The following ALK variants were observed in gnomAD, a reference collection of about 807,000 sequenced individuals.
ALK encodes ALK receptor tyrosine kinase.
ALK carries 74 observed loss-of-function variants against 163.1 expected under a neutral mutation model. The observed-to-expected ratio is 0.45, with a 90% confidence interval of 0.38 to 0.55. ALK has a LOEUF of 0.55. Ranked by LOEUF, ALK falls within the 20% of genes least tolerant of loss-of-function variation. The pLI, the probability that ALK is intolerant of heterozygous loss-of-function variation, is 0.00. For synonymous variants in ALK, 960 were observed against 843.2 expected (o/e 1.14, Z -2.40); for missense variants, 2,063 against 2,105.3 (o/e 0.98, Z 0.39).
chr2:29,740,157 T>C (rs1020426607), intron 1 of ALK, among the ~76,000 whole-genome samples: 1 of 152,094 alleles, frequency 6.6e-6, no homozygotes, highest in African/African-American at 2.4e-5. Flanking sequence ...ACTTCTGACA[T>C]TGAGAAGTTT....
At chr2:29,886,077 AC>A (rs879411511) in intron 1 of ALK, among the ~76,000 whole-genome samples, 3 of 152,098 alleles carry the variant, frequency 2.0e-5, no homozygotes, top group Admixed American at 6.5e-5. Flanking sequence ...GATAATGAAG[AC>A]CTTTGTAATG....
chr2:29,668,030 CAAG>C (rs1342939521), intron 3 of ALK, among the ~76,000 whole-genome samples: 1 of 151,920 alleles, frequency 6.6e-6, no homozygotes, highest in African/African-American at 2.4e-5. Context: ...TGTATGTGTC[CAAG>C]AATGTTTCCA....
At chr2:29,561,256 G>A (rs539333358) in intron 3 of ALK, among the ~76,000 whole-genome samples, 1 of 152,230 alleles carries the variant, frequency 6.6e-6, no homozygotes, top group African/African-American at 2.4e-5. Context: ...CAATCCCCAT[G>A]CCTCCATTCC....
chr2:29,863,129 A>G (rs1187835968), intron 1 of ALK, among the ~76,000 whole-genome samples: 1 of 152,238 alleles, frequency 6.6e-6, no homozygotes, highest in African/African-American at 2.4e-5. Context: ...TGGATTAATG[A>G]CTTAAATGTA....
At chr2:29,610,902 G>A (rs1475059049) in intron 3 of ALK, among the ~76,000 whole-genome samples, 1 of 152,156 alleles carries the variant, frequency 6.6e-6, no homozygotes, top group African/African-American at 2.4e-5. Context: ...TGGAGTTGCT[G>A]ACACTGTACT....
chr2:29,476,352 T>G (rs911031611), intron 4 of ALK, among the ~76,000 whole-genome samples: 2 of 152,062 alleles, frequency 1.3e-5, no homozygotes, highest in Non-Finnish European at 2.9e-5. Context: ...GGACATAAAA[T>G]TACCACAATC....
At chr2:29,466,092 T>C (rs1171272735) in intron 4 of ALK, among the ~76,000 whole-genome samples, 3 of 152,128 alleles carry the variant, frequency 2.0e-5, no homozygotes, top group Non-Finnish European at 4.4e-5. Context: ...AAGAAAGATA[T>C]AGTTAATAAA....
intron 1 of ALK, among the ~76,000 whole-genome samples, chr2:29,731,142 G>A (rs930957019): frequency 6.6e-6 from 1 of 152,168 alleles, no homozygotes; most frequent in African/African-American, 2.4e-5. Context: ...AAGAAAAGGG[G>A]TAAAACTTGG....
intron 4 of ALK, among the ~76,000 whole-genome samples, chr2:29,397,776 C>T (rs2148312858): frequency 6.6e-6 from 1 of 152,274 alleles, no homozygotes; most frequent in Non-Finnish European, 1.5e-5. Flanking sequence ...CAGGGAGGCC[C>T]CTCTGTAGAA....
chr2:29,360,815 T>C (rs1428880483), intron 5 of ALK, among the ~76,000 whole-genome samples: 1 of 152,212 alleles, frequency 6.6e-6, no homozygotes, highest in Non-Finnish European at 1.5e-5. Context: ...TTCTAGTTGG[T>C]ATTTATCTAT....
At chr2:29,289,858 G>A (rs1393068894) in intron 9 of ALK, among the ~76,000 whole-genome samples, 2 of 152,156 alleles carry the variant, frequency 1.3e-5, no homozygotes, top group African/African-American at 4.8e-5. Context: ...AACCAGACAG[G>A]TGCCTGTTGG....
intron 4 of ALK, among the ~76,000 whole-genome samples, chr2:29,488,414 T>C (rs986169211): frequency 6.6e-6 from 1 of 152,098 alleles, no homozygotes; most frequent in African/African-American, 2.4e-5. Context: ...CTCCTAAACG[T>C]CTAATTAATT....
At position 29,423,959 on chromosome 2, in the gene ALK, C is replaced by A. The variant is rs182414617; in HGVS notation, c.1155-40100G>T. On this transcript the variant is annotated intron_variant, in intron 4 of 28. Coordinates refer to ENST00000389048, the MANE Select transcript of ALK (RefSeq NM_004304.5). ...CCTCCTTCCCCTTTCCCTTTCTATCCCTAGAGGTAGCCATTGTAAAAGTTT... is the reference window on the plus strand; with the variant it reads ...CCTCCTTCCCCTTTCCCTTTCTATCACTAGAGGTAGCCATTGTAAAAGTTT... 3.9e-5 allele frequency among the ~76,000 whole-genome samples: 6 copies of A among 152,290 alleles called. No homozygotes were observed. In the East Asian group the frequency reaches 9.6e-4, roughly 24 times the overall value.
intron 23 of ALK, among the ~76,000 whole-genome samples, chr2:29,216,013 G>C (rs1669594381): frequency 6.6e-6 from 1 of 152,174 alleles, no homozygotes; most frequent in South Asian, 2.1e-4. Context: ...TCAGAAAATG[G>C]CTCCTTGTGT....
At chr2:29,578,772 G>C (rs1009700795) in intron 3 of ALK, among the ~76,000 whole-genome samples, 21 of 152,326 alleles carry the variant, frequency 1.4e-4, no homozygotes, top group South Asian at 1.0e-3. Flanking sequence ...CAGAGTCAAA[G>C]GAGTCTAAGG....
intron 3 of ALK, among the ~76,000 whole-genome samples, chr2:29,620,895 G>C (rs1232247065): frequency 6.6e-6 from 1 of 152,172 alleles, no homozygotes; most frequent in East Asian, 1.9e-4. Context: ...TATTATTAAA[G>C]AGCAAACTGA....
chr2:29,222,419 A>G lies in ALK; in HGVS notation c.3451-11T>C, dbSNP rs376746597. On this transcript the variant is annotated splice_polypyrimidine_tract_variant and intron_variant, in intron 21 of 28. Coordinates refer to ENST00000389048, the MANE Select transcript of ALK (RefSeq NM_004304.5). Reference sequence around the variant, plus strand: ...CACTTCAGGCAGCGTCTGGGCAGAGAAGGGGAGGGTGGGGAGGAGGAGGAG... The same window carrying G: ...CACTTCAGGCAGCGTCTGGGCAGAGGAGGGGAGGGTGGGGAGGAGGAGGAG... 23 of 1,613,892 alleles carry G rather than the reference A, an allele frequency of 1.4e-5. No individual in the cohort carries two copies. Among genetic ancestry groups the G allele is most frequent in the Non-Finnish European group, 1.7e-5 (20 of 1,179,990 alleles).
At chr2:29,450,155 C>A (rs936484410) in intron 4 of ALK, among the ~76,000 whole-genome samples, 1 of 152,188 alleles carries the variant, frequency 6.6e-6, no homozygotes, top group Non-Finnish European at 1.5e-5. Flanking sequence ...CTTCACCTAC[C>A]TTTACCTACC....
intron 1 of ALK, among the ~76,000 whole-genome samples, chr2:29,765,986 T>A (rs1680851658): frequency 6.6e-6 from 1 of 152,206 alleles, no homozygotes; most frequent in Non-Finnish European, 1.5e-5. Context: ...ATATATAATT[T>A]GAAGTGAAAT....
Sources: allele counts gnomAD v4.1 joint callset (sites outside exome capture counted in the v4.1 genomes callset), GRCh38; gene constraint gnomAD v4.1.1; transcripts MANE v1.5; gene names NCBI Gene and HGNC (gene_info 2026-07-23, HGNC 2026-07-21).